Variants in TACC2 observed in about 807,000 individuals in gnomAD.
TACC2 encodes the protein transforming acidic coiled-coil-containing protein 2.
A neutral mutation model predicts 227.3 loss-of-function variants in TACC2; 137 were observed. The observed-to-expected ratio is 0.60, with a 90% CI of 0.52 to 0.69. The LOEUF (loss-of-function observed/expected upper bound fraction) is 0.69. Among genes scored for constraint, TACC2 ranks in the 30% least tolerant of loss-of-function variants. The pLI is 0.00. For synonymous variants in TACC2, 1,523 were observed against 1,487.5 expected (o/e 1.02, Z -0.55); for missense variants, 3,470 against 3,694.4 (o/e 0.94, Z 1.57).
At chr10:122,096,824 C>T (rs2081493592) in intron 5 of TACC2, among the ~76,000 whole-genome samples, 1 of 152,154 alleles carries the variant, frequency 6.6e-6, no homozygotes, top group Non-Finnish European at 1.5e-5. Context: ...AGGAACAGGC[C>T]CCAGCTTACA....
intron 2 of TACC2, among the ~76,000 whole-genome samples, chr10:122,041,095 C>A (rs1338702682): frequency 2.0e-5 from 3 of 152,228 alleles, no homozygotes; most frequent in Non-Finnish European, 4.4e-5. Context: ...TGCGAGCCGT[C>A]CCCAGGGTCT....
At chr10:122,253,813 G>T (rs1270836428) in intron 22 of TACC2, among the ~76,000 whole-genome samples, 178 bp from the exon 23 acceptor site, 1 of 152,220 alleles carries the variant, frequency 6.6e-6, no homozygotes, top group Non-Finnish European at 1.5e-5. Context: ...ACTTGTGGAA[G>T]ATCACACAGC....
rs528225262 is a variant in TACC2, at chr10:122,072,153, A to G, written c.147-10494A>G. Among the ~76,000 whole-genome samples, 14 of 151,556 alleles carry G rather than the reference A, an allele frequency of 9.2e-5. No individual in the cohort carries two copies. In the South Asian group the frequency reaches 2.7e-3, roughly 29 times the overall value. On this transcript the variant is annotated intron_variant, in intron 3 of 22. Transcript: ENST00000369005. Reference sequence around the variant, plus strand: ...GCCACTATGCCCGGCTAATTTTTGTATTTTAGTTAACCAGGATGGTCTCAA... The same window carrying G: ...GCCACTATGCCCGGCTAATTTTTGTGTTTTAGTTAACCAGGATGGTCTCAA...
chr10:122,090,354 G>T (rs575539745), intron 5 of TACC2, among the ~76,000 whole-genome samples: 1 of 151,892 alleles, frequency 6.6e-6, no homozygotes, highest in Admixed American at 6.6e-5. Flanking sequence ...AGACCATCCT[G>T]GCTAACACGG....
At chr10:122,046,051 T>C (rs772218685) in intron 2 of TACC2, among the ~76,000 whole-genome samples, 7 of 152,088 alleles carry the variant, frequency 4.6e-5, no homozygotes, top group Non-Finnish European at 8.8e-5. Flanking sequence ...GGTGCATGCC[T>C]GTAGTCCCAG....
At chr10:122,109,122 T>C (rs770849979) in intron 5 of TACC2, among the ~76,000 whole-genome samples, 14 of 144,156 alleles carry the variant, frequency 9.7e-5, no homozygotes, top group Non-Finnish European at 1.9e-4. Flanking sequence ...TAAACATGCA[T>C]GTACAAGTAT....
intron 2 of TACC2, among the ~76,000 whole-genome samples, chr10:122,035,444 C>G (rs1021898944): frequency 6.6e-6 from 1 of 152,142 alleles, no homozygotes; most frequent in Non-Finnish European, 1.5e-5. Flanking sequence ...GTATTGTTTA[C>G]CAGGCATTGC....
intron 5 of TACC2, among the ~76,000 whole-genome samples, chr10:122,122,182 C>T (rs1052335337): frequency 2.0e-5 from 3 of 152,082 alleles, no homozygotes; most frequent in Non-Finnish European, 2.9e-5. Flanking sequence ...GGTGAAACTC[C>T]GTCTCTACTA....
chr10:122,232,140 T>A (rs2095764614), intron 16 of TACC2, among the ~76,000 whole-genome samples: 1 of 152,230 alleles, frequency 6.6e-6, no homozygotes, highest in South Asian at 2.1e-4. Flanking sequence ...TGCCAAACCA[T>A]AAGCTTAGGT....
chr10:122,085,973 G>A lies in TACC2; in HGVS notation c.3473G>A (p.Gly1158Asp). 6.2e-7 allele frequency: 1 copy of A among 1,613,916 alleles called. No homozygotes were observed. Among genetic ancestry groups the A allele is most frequent in the Non-Finnish European group, 8.5e-7 (1 of 1,179,984 alleles). Residue 1158 changes from glycine (G) to aspartate (D), a missense_variant, in exon 4 of 23, where the codon GGC becomes GAC. Physicochemically the swap from Gly to Asp is moderately conservative, Grantham distance 94. Around this residue, in one of 10 missense-constraint regions of TACC2, gnomAD observed 1,924 missense variants for 1,978.3 expected, o/e 0.97. Transcript: ENST00000369005. ...EKPGEATLSCGLLQTEHCLTS... is the reference protein window; with the variant it reads ...EKPGEATLSCDLLQTEHCLTS... Reference sequence around the variant, plus strand: ...CCTGGAGAAGCTACTTTGAGTTGTGGCCTCCTTCAGACTGAGCACTGCCTT... The same window carrying A: ...CCTGGAGAAGCTACTTTGAGTTGTGACCTCCTTCAGACTGAGCACTGCCTT...
chr10:122,242,019 C>A lies in TACC2; in HGVS notation c.8392+18C>A. 6.2e-7 allele frequency: 1 copy of A among 1,612,570 alleles called. No homozygotes were observed. The highest frequency in any genetic ancestry group is 8.5e-7 in the Non-Finnish European group (1 of 1,178,568). On this transcript the variant is annotated intron_variant, in intron 19 of 22. Transcript: ENST00000369005. The stretch of plus-strand genomic sequence containing the variant: ...GATGATAGGTAGGTGTCCTGACCTG[C>A]GGGGGCTCAGGCCGGCCCCGATGTT...
intron 7 of TACC2, among the ~76,000 whole-genome samples, chr10:122,160,710 A>G (rs780013744): frequency 2.6e-5 from 4 of 152,196 alleles, no homozygotes; most frequent in Non-Finnish European, 4.4e-5. Flanking sequence ...GCAAGCATTC[A>G]GTCCATAGCA....
chr10:122,204,423 C>G (rs2095034096), intron 8 of TACC2, among the ~76,000 whole-genome samples: 1 of 152,134 alleles, frequency 6.6e-6, no homozygotes, highest in East Asian at 1.9e-4. Flanking sequence ...GACTGTGGCC[C>G]CTTGGTCGGC....
At chr10:122,170,296 G>A (rs1361605489) in intron 7 of TACC2, among the ~76,000 whole-genome samples, 1 of 134,402 alleles carries the variant, frequency 7.4e-6, no homozygotes, top group Admixed American at 8.0e-5. Context: ...TTGAGGTGGA[G>A]TCTCACTCTG....
chr10:122,223,118 A>G (rs1197977373), intron 11 of TACC2, among the ~76,000 whole-genome samples: 2 of 133,358 alleles, frequency 1.5e-5, no homozygotes, highest in Non-Finnish European at 3.0e-5. Flanking sequence ...CAGTGGTGCG[A>G]TCTTGGCTCA....
At position 122,087,915 on chromosome 10, in the gene TACC2, C is replaced by A; in HGVS notation, c.5415C>A (p.Asp1805Glu). ...CTCCAGAGCCTGACGAAACTCACGA[C>A]CCGAAGCTGCAACATTTGGCTCCAG... ...SSPPEPDETHDPKLQHLAPEE... is the reference protein window; with the variant it reads ...SSPPEPDETHEPKLQHLAPEE... Residue 1805 changes from aspartate to glutamate, a missense_variant, in exon 4 of 23, where the codon GAC becomes GAA. Physicochemically the swap from Asp to Glu is conservative, Grantham distance 45. This residue lies in a region of TACC2 where 1,924 missense variants were observed against 1,978.3 expected (regional missense o/e 0.97). Coordinates refer to ENST00000369005, the MANE Select transcript of TACC2 (RefSeq NM_206862.4). The A allele has an allele frequency of 3.3e-6, 5 of 1,512,580 alleles. No homozygotes were observed. Among genetic ancestry groups the A allele is most frequent in the Non-Finnish European group, 3.5e-6 (4 of 1,130,942 alleles). The allele number at this position is 1,512,580 out of a possible 1,614,324, so 93.7% of individuals were successfully genotyped here.
At chr10:122,213,408 T>C (rs778051032) in intron 9 of TACC2, 5 of 1,609,004 alleles carry the variant, frequency 3.1e-6, no homozygotes, top group South Asian at 1.1e-5. Context: ...CTGCCTCTTA[T>C]GCCAAATGTG....
intron 5 of TACC2, among the ~76,000 whole-genome samples, chr10:122,096,489 G>C (rs1437526510): frequency 6.6e-6 from 1 of 152,134 alleles, no homozygotes; most frequent in African/African-American, 2.4e-5. Flanking sequence ...CTGAGGTCAG[G>C]AGCTCAAGAC....
intron 1 of TACC2, among the ~76,000 whole-genome samples, chr10:122,009,039 G>T (rs1022122512): frequency 5.3e-5 from 8 of 152,130 alleles, no homozygotes; most frequent in African/African-American, 1.9e-4. Context: ...CCTCTGTATT[G>T]TCCCAACTGT....
Sources: gnomAD v4.1 joint callset for allele counts (sites outside exome capture counted in the v4.1 genomes callset) on GRCh38, gnomAD v4.1.1 for gene constraint, gnomAD v4.1.1 regional missense constraint, MANE v1.5 for transcripts, NCBI Gene and HGNC (gene_info 2026-07-23, HGNC 2026-07-21) for gene names.